PLXNA4: variants seen among roughly 807,000 people sequenced by gnomAD.
PLXNA4 encodes the protein plexin A4.
Under a neutral mutation model 191.8 loss-of-function variants are expected in PLXNA4, and 44 were observed. That is an observed-to-expected ratio of 0.23 (90% confidence interval 0.18 to 0.29). The LOEUF (loss-of-function observed/expected upper bound fraction) is 0.29, where lower values mean the gene tolerates loss of function less well. Among genes scored for constraint, PLXNA4 ranks in the 10% least tolerant of loss-of-function variants. The pLI is 1.00. For synonymous variants in PLXNA4, 1,082 were observed against 1,009.5 expected (o/e 1.07, Z -1.36); for missense variants, 1,800 against 2,488.8 (o/e 0.72, Z 5.89).
rs543471898 is a variant in PLXNA4 at position 132,213,141 on chromosome 7, C to T, written c.2098-1998G>A. 1.6e-4 allele frequency among the ~76,000 whole-genome samples: 24 copies of T among 152,286 alleles called. No homozygotes were observed. In the East Asian group the frequency reaches 4.4e-3, roughly 28 times the overall value. ...GGACATTATGCTCAGTGAAATAAGC[C>T]AGCCACAAAATGGCAAATACTGCAG... On this transcript the variant is annotated intron_variant, in intron 9 of 31. Coordinates refer to ENST00000321063, the MANE Select transcript of PLXNA4 (RefSeq NM_020911.2).
chr7:132,474,214 T>TCTCACACA (rs1175360961), intron 3 of PLXNA4, among the ~76,000 whole-genome samples: 2 of 140,194 alleles, frequency 1.4e-5, no homozygotes, highest in African/African-American at 5.4e-5. Flanking sequence ...TCTCTCTGTC[T>TCTCACACA]CACACACACA....
chr7:132,315,458 C>T (rs1485732936), intron 3 of PLXNA4, among the ~76,000 whole-genome samples: 2 of 152,094 alleles, frequency 1.3e-5, no homozygotes, highest in Non-Finnish European at 2.9e-5. Context: ...ATAAATGAAC[C>T]ATGATTCCAG....
In PLXNA4 at chr7:132,301,056, T is replaced by C. The variant is rs115747195; in HGVS notation, c.1372-2834A>G. 4.6e-3 allele frequency among the ~76,000 whole-genome samples: 700 copies of C among 152,294 alleles called. 4 individuals carry two copies. Among genetic ancestry groups the C allele is most frequent in the African/African-American group, 0.016 (657 of 41,560 alleles). On this transcript the variant is annotated intron_variant, in intron 3 of 31. Coordinates refer to ENST00000321063, the MANE Select transcript of PLXNA4 (RefSeq NM_020911.2). ...GAAGCACCAACTGGACAAGGTTCCATAGGCCTGGCCTTCTGCAAGGAGGCT... is the reference window on the plus strand; with the variant it reads ...GAAGCACCAACTGGACAAGGTTCCACAGGCCTGGCCTTCTGCAAGGAGGCT...
chr7:132,518,149 G>A (rs903856380), intron 1 of PLXNA4, among the ~76,000 whole-genome samples: 2 of 152,116 alleles, frequency 1.3e-5, no homozygotes, highest in African/African-American at 4.8e-5. Flanking sequence ...CCATGTACTT[G>A]GCCACCTCAC....
At chr7:132,578,049 C>G (rs1802325959), upstream of PLXNA4, among the ~76,000 whole-genome samples, 1 of 152,162 alleles carries the variant, frequency 6.6e-6, no homozygotes, top group Admixed American at 6.5e-5. Flanking sequence ...ACATCCAGAA[C>G]AGACCATGCC....
At chr7:132,350,433 G>A (rs1803433397) in intron 3 of PLXNA4, among the ~76,000 whole-genome samples, 1 of 152,104 alleles carries the variant, frequency 6.6e-6, no homozygotes. Context: ...TTGAACCAGA[G>A]GTGGAGACTG....
chr7:132,347,860 G>A (rs56003947), intron 3 of PLXNA4, among the ~76,000 whole-genome samples: 5,953 of 152,248 alleles, frequency 0.039, 158 homozygotes, highest in Middle Eastern at 0.075. Context: ...TGCAGCAGTT[G>A]CTCTTTCGGG....
chr7:132,459,297 T>C (rs1218528723), intron 3 of PLXNA4, among the ~76,000 whole-genome samples: 1 of 152,168 alleles, frequency 6.6e-6, no homozygotes, highest in East Asian at 1.9e-4. Flanking sequence ...ACAGTAATAG[T>C]TATCACTGCT....
chr7:132,582,802 C>T (rs1802429040), intron 2 of PLXNA4, among the ~76,000 whole-genome samples: 1 of 152,192 alleles, frequency 6.6e-6, no homozygotes, highest in South Asian at 2.1e-4. Context: ...GATATCATTC[C>T]TCTGACCTTG....
intron 29 of PLXNA4, 91 bp from the exon 30 acceptor site, chr7:132,140,902 C>A: frequency 6.5e-7 from 1 of 1,543,856 alleles, no homozygotes; most frequent in Non-Finnish European, 8.7e-7. Context: ...GGAGAGAAGC[C>A]TGGGGAACTA....
chr7:132,465,253 G>A (rs766819208), intron 3 of PLXNA4, among the ~76,000 whole-genome samples: 4 of 152,154 alleles, frequency 2.6e-5, no homozygotes, highest in African/African-American at 4.8e-5. Context: ...GAGCTCCCCC[G>A]AGGTGTCCTA....
At position 132,205,018 on chromosome 7, in the gene PLXNA4, C is replaced by T. The variant is rs1463012871; in HGVS notation, c.2299-1599G>A. ...TGTCCCACAACGGAGGAGTTTGCAA[C>T]GTACCCCCGTCGTTGAATCTCTCGT... On this transcript the variant is annotated intron_variant, in intron 10 of 31. Transcript: ENST00000321063. 2.6e-5 allele frequency among the ~76,000 whole-genome samples: 4 copies of T among 152,182 alleles called. No individual in the cohort carries two copies. In the East Asian group the frequency reaches 5.8e-4, roughly 22 times the overall value.
At chr7:132,538,206 C>T (rs1173349097) in intron 1 of PLXNA4, among the ~76,000 whole-genome samples, 2 of 152,198 alleles carry the variant, frequency 1.3e-5, no homozygotes, top group African/African-American at 4.8e-5. Flanking sequence ...CTCTCATGAG[C>T]CCAGAGACAT....
intron 5 of PLXNA4, among the ~76,000 whole-genome samples, chr7:132,232,096 G>C (rs74977547): frequency 0.02 from 3,068 of 152,304 alleles, 56 homozygotes; most frequent in Non-Finnish European, 0.034. Context: ...TGTGGGGTCT[G>C]TCAAGGGAAT....
At chr7:132,613,180 C>G (rs1033790164) in intron 2 of PLXNA4, among the ~76,000 whole-genome samples, 1 of 152,122 alleles carries the variant, frequency 6.6e-6, no homozygotes, top group Non-Finnish European at 1.5e-5. Flanking sequence ...CAGCTTTCCT[C>G]CTCCCTCCCT....
At chr7:132,175,401 A>G (rs945528355) in intron 20 of PLXNA4, among the ~76,000 whole-genome samples, 1 of 152,242 alleles carries the variant, frequency 6.6e-6, no homozygotes, top group Admixed American at 6.5e-5. Context: ...AAACAAGTTT[A>G]AAGACACAAG....
intron 4 of PLXNA4, among the ~76,000 whole-genome samples, chr7:132,297,806 C>A (rs1801146483): frequency 6.6e-6 from 1 of 152,174 alleles, no homozygotes; most frequent in South Asian, 2.1e-4. Flanking sequence ...GACGTTCCTT[C>A]AGAAGAAAGC....
chr7:132,446,761 G>C (rs1795926985), intron 3 of PLXNA4, among the ~76,000 whole-genome samples: 1 of 152,206 alleles, frequency 6.6e-6, no homozygotes, highest in Non-Finnish European at 1.5e-5. Flanking sequence ...GGAGGAAATA[G>C]AGAGTCAACA....
chr7:132,237,877 G>A (rs972633968), intron 5 of PLXNA4, among the ~76,000 whole-genome samples: 6 of 152,160 alleles, frequency 3.9e-5, no homozygotes, highest in Admixed American at 6.5e-5. Flanking sequence ...CCGTGGACAC[G>A]TACAGGGCAG....
Sources: gnomAD v4.1 joint callset for allele counts (sites outside exome capture counted in the v4.1 genomes callset) on GRCh38, gnomAD v4.1.1 for gene constraint, MANE v1.5 for transcripts, NCBI Gene and HGNC (gene_info 2026-07-23, HGNC 2026-07-21) for gene names.